The following ACACA variants were observed in gnomAD, a reference collection of about 807,000 sequenced individuals.
ACACA encodes the protein acetyl-CoA carboxylase 1.
Under a neutral mutation model 296.1 loss-of-function variants are expected in ACACA, and 103 were observed. The ratio of observed to expected loss-of-function variants is 0.35; its 90% CI spans 0.30 to 0.41. The LOEUF is 0.41. Among genes scored for constraint, ACACA ranks in the 10% least tolerant of loss-of-function variants. The pLI is 1.00. For missense variants in ACACA, 1,554 were observed against 2,989.7 expected (o/e 0.52, Z 11.20); for synonymous variants, 953 against 1,038.6 (o/e 0.92, Z 1.58).
chr17:37,153,217 T>C (rs551214840), intron 43 of ACACA, among the ~76,000 whole-genome samples: 44 of 152,220 alleles, frequency 2.9e-4, no homozygotes, highest in African/African-American at 1.1e-3. Flanking sequence ...TTAAAAAATA[T>C]CATAGGGGAA....
rs183441655 is a variant in ACACA, at chr17:37,354,561, C to T, written c.39-14711G>A. On this transcript the variant is annotated intron_variant, in intron 1 of 55. Transcript: ENST00000616317. The stretch of plus-strand genomic sequence containing the variant: ...TGACACTATTTGTCATAGTTTCTTA[C>T]CTGTTTAATATCACCTTCAAATAGT... Among the ~76,000 whole-genome samples the T allele has an allele frequency of 2.0e-3, 305 of 152,234 alleles. 1 individual carries two copies. The highest frequency in any genetic ancestry group is 1.0e-3 in the Non-Finnish European group (71 of 68,026).
intron 45 of ACACA, among the ~76,000 whole-genome samples, chr17:37,133,349 T>C (rs2075191236): frequency 6.6e-6 from 1 of 152,214 alleles, no homozygotes; most frequent in Non-Finnish European, 1.5e-5. Flanking sequence ...GCGCACACAA[T>C]AGCTCCTGAT....
intron 2 of ACACA, among the ~76,000 whole-genome samples, chr17:37,335,003 A>G (rs2048050648): frequency 6.6e-6 from 1 of 152,138 alleles, no homozygotes; most frequent in Admixed American, 6.6e-5. Flanking sequence ...CACTTCACTC[A>G]TACCAGTATG....
chr17:37,106,576 A>T (rs2073699338), intron 52 of ACACA, among the ~76,000 whole-genome samples: 1 of 152,206 alleles, frequency 6.6e-6, no homozygotes, highest in Admixed American at 6.5e-5. Flanking sequence ...ATAAAAAAAA[A>T]TACTGCTCCC....
chr17:37,365,310 A>G lies in ACACA; in HGVS notation c.39-25460T>C, dbSNP rs574320348. On this transcript the variant is annotated intron_variant, in intron 1 of 55. Transcript: ENST00000616317. ...ATTTTTTTGTCTGCATACTGGTTTT[A>G]GCTCTCCAGTTAAATCCTGAAGGCA... The G allele has an allele frequency of 3.8e-5, 14 of 367,080 alleles. 1 individual carries two copies. The South Asian group carries it at 1.3e-3, about 35-fold the overall frequency. 22.7% of individuals were successfully genotyped at this position (367,080 alleles called of 1,614,324 possible).
At position 37,097,252 on chromosome 17, in the gene ACACA, G is replaced by T; in HGVS notation, c.6721-86C>A. The T allele has an allele frequency of 8.1e-6, 12 of 1,481,006 alleles. No individual in the cohort carries two copies. Among genetic ancestry groups the T allele is most frequent in the Non-Finnish European group, 1.1e-5 (12 of 1,086,680 alleles). 91.7% of individuals were successfully genotyped at this position (1,481,006 alleles called of 1,614,324 possible). On this transcript the variant is annotated intron_variant, in intron 53 of 55. Transcript: ENST00000616317. The surrounding 1 kb of genome is among the most constrained non-coding windows in gnomAD (Gnocchi z 4.8). The stretch of plus-strand genomic sequence containing the variant: ...AGGGAAACCCACAGGCATAAAAACT[G>T]ATTCTCCAGGCAAGCCCTTCACAGA...
chr17:37,136,468 G>C (rs2075338327), intron 45 of ACACA, among the ~76,000 whole-genome samples: 1 of 152,064 alleles, frequency 6.6e-6, no homozygotes, highest in Non-Finnish European at 1.5e-5. Context: ...GTGTACATTT[G>C]GGTTGTTTTC....
intron 12 of ACACA, 130 bp downstream of exon 12, chr17:37,259,230 G>A (rs2081339728): frequency 9.5e-7 from 1 of 1,058,066 alleles, no homozygotes; most frequent in Admixed American, 1.7e-5. Flanking sequence ...CACATACAGG[G>A]TGAAAGAGAA....
chr17:37,258,578 T>C (rs2081316619), intron 12 of ACACA, among the ~76,000 whole-genome samples: 1 of 152,244 alleles, frequency 6.6e-6, no homozygotes, highest in African/African-American at 2.4e-5. Context: ...TATTCTCCAC[T>C]TCTAAAGAAG....
chr17:37,222,717 T>C (rs1367611096), intron 28 of ACACA, among the ~76,000 whole-genome samples: 1 of 152,186 alleles, frequency 6.6e-6, no homozygotes, highest in Non-Finnish European at 1.5e-5. Context: ...AGAGTACAAA[T>C]AAAAAGTAAC....
chr17:37,265,649 C>G (rs1231324619), intron 10 of ACACA, among the ~76,000 whole-genome samples: 1 of 152,150 alleles, frequency 6.6e-6, no homozygotes, highest in East Asian at 1.9e-4. Context: ...CATAGCAATT[C>G]TGAAATCCAG....
intron 22 of ACACA, 40 bp from the exon 23 acceptor site, chr17:37,242,093 A>G (rs1476081086): frequency 3.0e-5 from 45 of 1,504,450 alleles, no homozygotes; most frequent in Non-Finnish European, 4.0e-5. Flanking sequence ...GCCCAACCCA[A>G]CAAAATGCCC....
At chr17:37,181,928 A>AG (rs2077340325) in intron 39 of ACACA, among the ~76,000 whole-genome samples, 1 of 149,362 alleles carries the variant, frequency 6.7e-6, no homozygotes, top group African/African-American at 2.5e-5. Flanking sequence ...AAAAAAAAAA[A>AG]GGAAATAAAC....
intron 29 of ACACA, among the ~76,000 whole-genome samples, chr17:37,217,812 G>A (rs2079098250): frequency 6.7e-6 from 1 of 150,320 alleles, no homozygotes; most frequent in Non-Finnish European, 1.5e-5. Context: ...TAGGTATGGT[G>A]GCACATGCCT....
chr17:37,295,506 C>T (rs1419138637), intron 3 of ACACA, among the ~76,000 whole-genome samples: 1 of 152,090 alleles, frequency 6.6e-6, no homozygotes, highest in Non-Finnish European at 1.5e-5. Context: ...TGAAAGCACA[C>T]GGCCAGGCAC....
intron 43 of ACACA, among the ~76,000 whole-genome samples, chr17:37,152,135 G>A (rs1458496010): frequency 6.6e-6 from 1 of 152,182 alleles, no homozygotes; most frequent in East Asian, 1.9e-4. Flanking sequence ...ACACACAGGA[G>A]TGTGACTCTA....
intron 41 of ACACA, among the ~76,000 whole-genome samples, chr17:37,167,280 T>C (rs2076711325): frequency 6.8e-6 from 1 of 148,068 alleles, no homozygotes; most frequent in East Asian, 2.0e-4. Context: ...CTTTTTTTTT[T>C]TTTTTTTTTG....
chr17:37,124,818 G>C (rs972503616), intron 48 of ACACA, among the ~76,000 whole-genome samples: 2 of 152,200 alleles, frequency 1.3e-5, no homozygotes, highest in African/African-American at 2.4e-5. Context: ...GCAGCATGGA[G>C]GCGTGCTGAC....
chr17:37,148,419 T>C (rs140380264), intron 45 of ACACA, among the ~76,000 whole-genome samples: 30 of 152,312 alleles, frequency 2.0e-4, no homozygotes, highest in Middle Eastern at 3.4e-3. Context: ...CAGAGGAGGA[T>C]ACAGAGTTCA....
Sources: gnomAD v4.1 joint callset for allele counts (sites outside exome capture counted in the v4.1 genomes callset) on GRCh38, gnomAD v4.1.1 for gene constraint, Gnocchi (gnomAD v3.1) non-coding constraint, MANE v1.5 for transcripts, NCBI Gene and HGNC (gene_info 2026-07-23, HGNC 2026-07-21) for gene names.